ACTR3B: variants seen among roughly 807,000 people sequenced by gnomAD.
ACTR3B encodes the protein actin related protein 3B.
In ACTR3B, 8 loss-of-function variants were observed where a neutral mutation model predicts 59.0. The ratio of observed to expected loss-of-function variants is 0.14; its 90% CI spans 0.08 to 0.24. The LOEUF (loss-of-function observed/expected upper bound fraction) is 0.24, where lower values mean the gene tolerates loss of function less well. ACTR3B is among the 10% of genes least tolerant of loss of function. The pLI is 1.00. For synonymous variants in ACTR3B, 148 were observed against 197.9 expected, an observed-to-expected ratio of 0.75 and a Z score of 2.12; for missense variants, 245 against 552.3, an observed-to-expected ratio of 0.44 and a Z score of 5.58.
chr7:152,800,449 G>A, intron 2 of ACTR3B, 82 bp from the exon 3 acceptor site: 6 of 1,534,398 alleles, frequency 3.9e-6, no homozygotes, highest in Non-Finnish European at 3.5e-6. Context: ...TTACTTGTGT[G>A]TATATAAGGA....
intron 1 of ACTR3B, among the ~76,000 whole-genome samples, chr7:152,763,172 T>G (rs2098095600): frequency 6.6e-6 from 1 of 151,458 alleles, no homozygotes; most frequent in Non-Finnish European, 1.5e-5. Flanking sequence ...AAAAATTAGC[T>G]GGGTGTGGTG....
chr7:152,833,776 T>C (rs1447034387), intron 9 of ACTR3B, among the ~76,000 whole-genome samples: 1 of 152,210 alleles, frequency 6.6e-6, no homozygotes, highest in Non-Finnish European at 1.5e-5. Context: ...GTATGTGCTG[T>C]GACATTCTTT....
chr7:152,848,638 A>G (rs1798554382), intron 9 of ACTR3B, among the ~76,000 whole-genome samples: 1 of 152,202 alleles, frequency 6.6e-6, no homozygotes, highest in Admixed American at 6.5e-5. Flanking sequence ...ATCATGAGAG[A>G]GCAGGACCAG....
chr7:152,782,535 G>T (rs2098157859), intron 1 of ACTR3B, among the ~76,000 whole-genome samples: 1 of 152,030 alleles, frequency 6.6e-6, no homozygotes, highest in African/African-American at 2.4e-5. Flanking sequence ...GACAGAAAAT[G>T]GGCTCCTTCT....
chr7:152,779,700 A>C lies in ACTR3B; in HGVS notation c.45-3487A>C, dbSNP rs561666115. On this transcript the variant is annotated intron_variant, in intron 1 of 11. Coordinates refer to ENST00000256001, the MANE Select transcript of ACTR3B (RefSeq NM_020445.6). ...AATGGGGCAGGCCAGTCTAGCATTG[A>C]GTTCTCCTCCTGGGAAAGAATTTGA... 2.8e-3 allele frequency among the ~76,000 whole-genome samples: 431 copies of C among 152,216 alleles called. 3 individuals are homozygous for C. Among genetic ancestry groups the C allele is most frequent in the African/African-American group, 9.9e-3 (412 of 41,518 alleles).
intron 9 of ACTR3B, among the ~76,000 whole-genome samples, chr7:152,832,161 G>C (rs1797083840): frequency 6.6e-6 from 1 of 152,146 alleles, no homozygotes; most frequent in Non-Finnish European, 1.5e-5. Context: ...GTGAGAGCTT[G>C]ACAAGTGGGA....
intron 2 of ACTR3B, among the ~76,000 whole-genome samples, chr7:152,794,298 A>G (rs892428869): frequency 9.9e-5 from 15 of 152,014 alleles, no homozygotes; most frequent in Non-Finnish European, 1.6e-4. Context: ...GCTCACTGCA[A>G]CCTCCACCTC....
At chr7:152,841,860 G>T (rs1333544711) in intron 9 of ACTR3B, among the ~76,000 whole-genome samples, 2 of 152,130 alleles carry the variant, frequency 1.3e-5, no homozygotes, top group East Asian at 3.9e-4. Context: ...CCATCACTTG[G>T]TATTATGTTG....
chr7:152,852,927 G>A (rs1798937731), intron 10 of ACTR3B, among the ~76,000 whole-genome samples: 1 of 152,028 alleles, frequency 6.6e-6, no homozygotes, highest in East Asian at 1.9e-4. Context: ...GAGTAGCTGG[G>A]ACTACAGGTG....
chr7:152,806,183 T>C (rs141539916), intron 4 of ACTR3B, among the ~76,000 whole-genome samples: 2,239 of 152,340 alleles, frequency 0.015, 56 homozygotes, highest in African/African-American at 0.05. Flanking sequence ...AATAATAGTT[T>C]GAGAATAATA....
At chr7:152,817,722 T>C (rs1422793941) in intron 6 of ACTR3B, among the ~76,000 whole-genome samples, 2 of 152,220 alleles carry the variant, frequency 1.3e-5, no homozygotes, top group African/African-American at 4.8e-5. Context: ...GGGGTGTGTA[T>C]GTGTATATAT....
intron 5 of ACTR3B, among the ~76,000 whole-genome samples, chr7:152,815,497 A>C (rs1483571256): frequency 1.3e-5 from 2 of 152,152 alleles, no homozygotes; most frequent in Non-Finnish European, 1.5e-5. Flanking sequence ...GTTTACCTGG[A>C]GAATGTTTTT....
intron 9 of ACTR3B, among the ~76,000 whole-genome samples, chr7:152,828,045 A>T (rs1281275393): frequency 6.6e-6 from 1 of 151,556 alleles, no homozygotes; most frequent in African/African-American, 2.4e-5. Flanking sequence ...GTGTTGAACG[A>T]CTAGGAGTGG....
intron 9 of ACTR3B, among the ~76,000 whole-genome samples, chr7:152,837,381 G>A (rs1438846056): frequency 1.3e-5 from 2 of 152,230 alleles, no homozygotes; most frequent in Non-Finnish European, 2.9e-5. Flanking sequence ...TAGGTGATAA[G>A]AAACCAAAGC....
At chr7:152,828,147 G>C (rs560906099) in intron 9 of ACTR3B, among the ~76,000 whole-genome samples, 6 of 152,302 alleles carry the variant, frequency 3.9e-5, no homozygotes, top group Non-Finnish European at 8.8e-5. Context: ...TTCTAATACT[G>C]TCCGGGTTGG....
At chr7:152,763,860 T>C (rs1382389000) in intron 1 of ACTR3B, among the ~76,000 whole-genome samples, 2 of 152,252 alleles carry the variant, frequency 1.3e-5, no homozygotes, top group Non-Finnish European at 2.9e-5. Flanking sequence ...CTCATTTGTT[T>C]ATTGTCTGTA....
At chr7:152,808,190 C>G (rs1432647684) in intron 4 of ACTR3B, among the ~76,000 whole-genome samples, 1 of 152,174 alleles carries the variant, frequency 6.6e-6, no homozygotes, top group Non-Finnish European at 1.5e-5. Flanking sequence ...CATGTTGAAG[C>G]ATGTGCCAGG....
At chr7:152,800,752 T>A in intron 3 of ACTR3B, 97 bp downstream of exon 3, 2 of 1,432,770 alleles carry the variant, frequency 1.4e-6, no homozygotes, top group Non-Finnish European at 1.9e-6. Context: ...AGTTGTAGAA[T>A]GTGTTATGTT....
chr7:152,799,771 G>GGA (rs1239995038), intron 2 of ACTR3B, among the ~76,000 whole-genome samples: 1 of 152,178 alleles, frequency 6.6e-6, no homozygotes, highest in Non-Finnish European at 1.5e-5. Context: ...ATAGCTCATG[G>GGA]GAGAGCTCAA....
Sources: gnomAD v4.1 joint callset for allele counts (sites outside exome capture counted in the v4.1 genomes callset) on GRCh38, gnomAD v4.1.1 for gene constraint, MANE v1.5 for transcripts, NCBI Gene and HGNC (gene_info 2026-07-23, HGNC 2026-07-21) for gene names.